KCNAB2: variants seen among roughly 807,000 people sequenced by gnomAD.
KCNAB2 encodes potassium voltage-gated channel subfamily A regulatory beta subunit 2, also known as voltage-gated potassium channel subunit beta-2.
In KCNAB2, 29 loss-of-function variants were observed where a neutral mutation model predicts 63.6. That is an observed-to-expected ratio of 0.46 (90% CI 0.34 to 0.62). The LOEUF is 0.62. KCNAB2 is among the 20% of genes least tolerant of loss of function. The pLI is 0.01. For missense variants in KCNAB2, 359 were observed against 563.9 expected (o/e 0.64, Z 3.68); for synonymous variants, 222 against 224.2 (o/e 0.99, Z 0.09).
intron 2 of KCNAB2, chr1:6,040,749 A>T: frequency 1.4e-6 from 1 of 695,976 alleles, no homozygotes; most frequent in Middle Eastern, 3.9e-4. Flanking sequence ...GAAGGGCCCA[A>T]GCAGGGCCCA....
chr1:6,042,087 G>C (rs1270887824), upstream of KCNAB2, among the ~76,000 whole-genome samples: 1 of 152,124 alleles, frequency 6.6e-6, no homozygotes, highest in Non-Finnish European at 1.5e-5. Flanking sequence ...TGTATGTGTT[G>C]GTCTGCCAGA....
In KCNAB2 at chr1:6,003,268, C is replaced by T. The variant is rs948448571; in HGVS notation, c.-53+10480C>T. Among the ~76,000 whole-genome samples, 12 of 152,200 alleles carry T rather than the reference C, an allele frequency of 7.9e-5. No homozygotes were observed. The highest frequency in any genetic ancestry group is 2.9e-4 in the African/African-American group (12 of 41,458). ...AAGCCCGGGTGGCCGGAGCCTCCTG[C>T]GGGATTCCCCATCCCACCCCTGGAA... On this transcript the variant is annotated intron_variant, in intron 1 of 16. Transcript: ENST00000341524. The surrounding 1 kb of genome is among the most constrained non-coding windows in gnomAD (Gnocchi z 4.1).
intron 1 of KCNAB2, among the ~76,000 whole-genome samples, chr1:5,995,264 C>T (rs1656880959): frequency 6.6e-6 from 1 of 152,156 alleles, no homozygotes; most frequent in African/African-American, 2.4e-5. Flanking sequence ...GTCTTGGCAC[C>T]CAGCAGCCGG....
chr1:6,064,825 G>A lies in KCNAB2; in HGVS notation c.219-7930G>A, dbSNP rs755618973. On this transcript the variant is annotated intron_variant, in intron 2 of 15. Coordinates refer to ENST00000378083, the MANE Select transcript of KCNAB2 (RefSeq NM_001199862.2). ...AGGGTCCACCTGCAGGGTGTGAGGG[G>A]GACACTTGGGATCAGAGGGCAGAGC... Among the ~76,000 whole-genome samples, 22 of 152,334 alleles carry A rather than the reference G, an allele frequency of 1.4e-4. No homozygotes were observed. The Middle Eastern group carries it at 0.01, about 71-fold the overall frequency.
At chr1:6,001,565 C>G (rs181696449) in intron 1 of KCNAB2, among the ~76,000 whole-genome samples, 8 of 152,154 alleles carry the variant, frequency 5.3e-5, no homozygotes, top group Non-Finnish European at 1.0e-4. Context: ...CCCCGTGATA[C>G]ACCCATGGGG....
At position 6,085,749 on chromosome 1, in the gene KCNAB2, G is replaced by A. The variant is rs780367080; in HGVS notation, c.425+501G>A. ...TGCACCTTGTCCACAGGATCTTCGC[G>A]GCGTCTCAGCCTCTCCGGAGCTCAC... On this transcript the variant is annotated intron_variant, in intron 6 of 15. Coordinates refer to ENST00000378083, the MANE Select transcript of KCNAB2 (RefSeq NM_001199862.2). 71 of 793,866 alleles carry A rather than the reference G, an allele frequency of 8.9e-5. No individual in the cohort carries two copies. In the South Asian group the frequency reaches 2.0e-3, roughly 22 times the overall value. 49.2% of individuals were successfully genotyped at this position (793,866 alleles called of 1,614,324 possible). A position where few individuals can be genotyped will look rare whatever the true frequency, so the allele number is the denominator to read the frequency against.
In KCNAB2 at chr1:6,046,121, C is replaced by G; in HGVS notation, c.-89C>G. On this transcript the variant is annotated 5_prime_UTR_variant, in exon 1 of 16. Transcript: ENST00000378083. ...CCGCTGTGCCAGATCCTTAGAGTGT[C>G]TGGTGATCCCTAATAAACCAGACTG... 1.0e-6 allele frequency: 1 copy of G among 985,432 alleles called. No homozygotes were observed. Among genetic ancestry groups the G allele is most frequent in the Non-Finnish European group, 1.2e-6 (1 of 829,924 alleles). 61.0% of individuals were successfully genotyped at this position (985,432 alleles called of 1,614,324 possible). A position where few individuals can be genotyped will look rare whatever the true frequency, so the allele number is the denominator to read the frequency against.
rs1663166112 is a variant in KCNAB2, at chr1:6,071,323, G to A, written c.219-1432G>A. Among the ~76,000 whole-genome samples the A allele has an allele frequency of 6.6e-6, 1 of 152,190 alleles. No homozygotes were observed. Among genetic ancestry groups the A allele is most frequent in the Non-Finnish European group, 1.5e-5 (1 of 68,030 alleles). Reference sequence around the variant, plus strand: ...TGGGCCTCACCCGCTGGTAACTCATGGCTCTCACTCCCCACCGCCTAGAAC... The same window carrying A: ...TGGGCCTCACCCGCTGGTAACTCATAGCTCTCACTCCCCACCGCCTAGAAC... On this transcript the variant is annotated intron_variant, in intron 2 of 15. Coordinates refer to ENST00000378083, the MANE Select transcript of KCNAB2 (RefSeq NM_001199862.2). The surrounding 1 kb of genome is among the most constrained non-coding windows in gnomAD (Gnocchi z 8.5).
At position 6,087,488 on chromosome 1, in the gene KCNAB2, C is replaced by A. The variant is rs1211022255; in HGVS notation, c.447C>A (p.Thr149=). 1 of 1,614,086 alleles carries A rather than the reference C, an allele frequency of 6.2e-7. No homozygotes were observed. Among genetic ancestry groups the A allele is most frequent in the Non-Finnish European group, 8.5e-7 (1 of 1,180,028 alleles). Residue 149 remains threonine (T), a synonymous_variant, in exon 7 of 16, where the codon ACC becomes ACA. Coordinates refer to ENST00000378083, the MANE Select transcript of KCNAB2 (RefSeq NM_001199862.2). The surrounding 1 kb of genome is among the most constrained non-coding windows in gnomAD (Gnocchi z 6.4). ...ACAGGCGGTCCAGCCTCGTCATCAC[C>A]ACCAAGATCTTCTGGGGCGGAAAGT... The part of the protein sequence containing the change: ...KGWRRSSLVI[T]TKIFWGGKAE...
chr1:6,022,580 T>A (rs919487116), intron 1 of KCNAB2, among the ~76,000 whole-genome samples: 7 of 152,140 alleles, frequency 4.6e-5, no homozygotes, highest in African/African-American at 1.7e-4. Flanking sequence ...ATCACCACCA[T>A]CCATCTCCAG....
chr1:6,007,545 C>G (rs1053730537), intron 1 of KCNAB2: 1 of 97,470 alleles, frequency 1.0e-5, no homozygotes, highest in Admixed American at 1.1e-4. Flanking sequence ...CGCCCCGCGC[C>G]GTGCTGAGTC....
upstream of KCNAB2, among the ~76,000 whole-genome samples, chr1:6,042,759 A>T (rs980853565): frequency 2.0e-5 from 3 of 151,396 alleles, no homozygotes; most frequent in African/African-American, 7.3e-5. Flanking sequence ...TGCTTTGGGG[A>T]TCGTTGCCAA....
chr1:6,094,340 C>G (rs1665438340), intron 10 of KCNAB2, 60 bp from the exon 11 acceptor site: 1 of 1,318,854 alleles, frequency 7.6e-7, no homozygotes. Context: ...CAGAATGTCC[C>G]GAGGCTGGCC....
Position 6,082,265 on chromosome 1 carries a change from C to T in KCNAB2, c.371C>T (p.Ala124Val), listed in dbSNP as rs1664272966. 1 of 1,612,400 alleles carries T rather than the reference C, an allele frequency of 6.2e-7. No individual in the cohort carries two copies. The highest frequency in any genetic ancestry group is 1.3e-5 in the African/African-American group (1 of 74,240). The change falls in exon 5 of 16, where the codon GCA becomes GTA. Residue 124 changes from alanine (A) to valine (V), a missense_variant. By Grantham distance (64) the Ala-to-Val change is moderately conservative (BLOSUM62 0). Coordinates refer to ENST00000378083, the MANE Select transcript of KCNAB2 (RefSeq NM_001199862.2). ...CTCTTCGATACAGCAGAAGTCTACG[C>T]AGCCGGCAAGTACGTGTCTTTTCAC... ...INLFDTAEVYAAGKAEVVLGN... is the reference protein window; with the variant it reads ...INLFDTAEVYVAGKAEVVLGN...
At chr1:5,996,260 G>T (rs12058635) in intron 1 of KCNAB2, among the ~76,000 whole-genome samples, 7,502 of 152,276 alleles carry the variant, frequency 0.049, 312 homozygotes, top group African/African-American at 0.12. Context: ...CTTGGCAGAT[G>T]CGTGAGACTC....
At chr1:6,095,875 GC>G (rs1571110342) in intron 13 of KCNAB2, among the ~76,000 whole-genome samples, 1 of 28,804 alleles carries the variant, frequency 3.5e-5, no homozygotes, top group Non-Finnish European at 7.8e-5. Flanking sequence ...CCCCCCCCCT[GC>G]CCCCACCACA....
chr1:6,040,481 A>G, intron 1 of KCNAB2: 1 of 1,137,222 alleles, frequency 8.8e-7, no homozygotes, highest in South Asian at 1.2e-5. Context: ...TTTAACCACC[A>G]CCCTCTTCCC....
upstream of KCNAB2, among the ~76,000 whole-genome samples, chr1:6,033,631 T>G (rs548092469): frequency 1.3e-5 from 2 of 152,312 alleles, no homozygotes; most frequent in East Asian, 1.9e-4. Context: ...TTCTAATTAT[T>G]TCCACTTTTA....
chr1:6,053,734 G>C (rs1661574449), intron 2 of KCNAB2, among the ~76,000 whole-genome samples: 1 of 152,208 alleles, frequency 6.6e-6, no homozygotes, highest in Non-Finnish European at 1.5e-5. Flanking sequence ...ATGGAGGATA[G>C]TTTAGTGGGT....
Sources: allele counts gnomAD v4.1 joint callset (sites outside exome capture counted in the v4.1 genomes callset), GRCh38; gene constraint gnomAD v4.1.1; non-coding constraint Gnocchi (gnomAD v3.1); transcripts MANE v1.5; gene names NCBI Gene and HGNC (gene_info 2026-07-23, HGNC 2026-07-21).